The following PCDHGA11 variants were observed in gnomAD, a reference collection of about 807,000 sequenced individuals.
PCDHGA11 encodes the protein protocadherin gamma-A11.
In PCDHGA11, 39 loss-of-function variants were observed where a neutral mutation model predicts 60.4. That is an observed-to-expected ratio of 0.65 (90% CI 0.50 to 0.84). PCDHGA11 has a LOEUF of 0.84. Ranked by LOEUF, PCDHGA11 falls within the 40% of genes least tolerant of loss-of-function variation. The probability of loss-of-function intolerance (pLI) is 0.00; values close to 1 mark genes in which losing one functional copy is unlikely to be tolerated. For synonymous variants in PCDHGA11, 533 were observed against 510.3 expected (o/e 1.04, Z -0.60); for missense variants, 1,165 against 1,197.7 (o/e 0.97, Z 0.40).
Position 141,511,035 on chromosome 5 carries a change from C to A in PCDHGA11, c.2670C>A (p.His890Gln). Residue 890 changes from histidine to glutamine, a missense_variant, in exon 4 of 4, where the codon CAC becomes CAA. Physicochemically the swap from His to Gln is conservative, Grantham distance 24 (BLOSUM62 0). Transcript: ENST00000398587. The stretch of plus-strand genomic sequence containing the variant: ...ACGGACCCCAGTTCACCCTGCAGCA[C>A]GTGCCCGACTACCGCCAGAATGTCT... ...ARYGPQFTLQ[H>Q]VPDYRQNVYI... 2 of 1,614,208 alleles carry A rather than the reference C, an allele frequency of 1.2e-6. No individual in the cohort carries two copies. The highest frequency in any genetic ancestry group is 1.1e-5 in the South Asian group (1 of 91,088).
chr5:141,431,325 G>C lies in PCDHGA11; in HGVS notation c.2433+7665G>C, dbSNP rs772252181. On this transcript the variant is annotated intron_variant, in intron 1 of 3. Coordinates refer to ENST00000398587, the MANE Select transcript of PCDHGA11 (RefSeq NM_018914.3). The surrounding 1 kb of genome is among the most constrained non-coding windows in gnomAD (Gnocchi z 4.8). Reference sequence around the variant, plus strand: ...ATCGTGCAAAATGGAGCCGACGGTAGTAAGTACCCCGAATTGGTGCTGAAA... The same window carrying C: ...ATCGTGCAAAATGGAGCCGACGGTACTAAGTACCCCGAATTGGTGCTGAAA... 4.3e-6 allele frequency: 7 copies of C among 1,614,144 alleles called. No individual in the cohort carries two copies. In the Admixed American group the frequency reaches 8.3e-5, roughly 19 times the overall value.
intron 1 of PCDHGA11, chr5:141,427,310 C>A (rs989300491): frequency 2.2e-5 from 10 of 456,738 alleles, no homozygotes; most frequent in African/African-American, 1.8e-4. Flanking sequence ...ATGACAATGC[C>A]CCAGACGTGG....
chr5:141,442,343 G>A (rs1300318674), intron 1 of PCDHGA11: 1 of 152,336 alleles, frequency 6.6e-6, no homozygotes, highest in African/African-American at 2.4e-5. Context: ...CAGGTTTCTG[G>A]GTAACTGTAG....
chr5:141,451,326 G>T (rs189445228), intron 1 of PCDHGA11, among the ~76,000 whole-genome samples: 3 of 152,278 alleles, frequency 2.0e-5, no homozygotes, highest in Admixed American at 2.0e-4. Context: ...GTCACCTAAG[G>T]CTATTGTCTT....
intron 2 of PCDHGA11, among the ~76,000 whole-genome samples, chr5:141,497,264 A>G (rs2154592078): frequency 6.6e-6 from 1 of 152,258 alleles, no homozygotes; most frequent in East Asian, 1.9e-4. Flanking sequence ...GAGAAGTTCT[A>G]GGCCATTTAT....
Position 141,489,624 on chromosome 5 carries a change from C to T in PCDHGA11, c.2434-5183C>T. 1 of 1,614,088 alleles carries T rather than the reference C, an allele frequency of 6.2e-7. No homozygotes were observed. On this transcript the variant is annotated intron_variant, in intron 1 of 3. Transcript: ENST00000398587. The surrounding 1 kb of genome is among the most constrained non-coding windows in gnomAD (Gnocchi z 4.5). Reference sequence around the variant, plus strand: ...AGGTAGAGATCCTGGATCTCAATGACAACTCTCCTAGCTTTGCCACCCCTG... The same window carrying T: ...AGGTAGAGATCCTGGATCTCAATGATAACTCTCCTAGCTTTGCCACCCCTG...
Position 141,491,885 on chromosome 5 carries a change from G to T in PCDHGA11, c.2434-2922G>T. On this transcript the variant is annotated intron_variant, in intron 1 of 3. Transcript: ENST00000398587. The surrounding 1 kb of genome is among the most constrained non-coding windows in gnomAD (Gnocchi z 6.9). ...ACCAGAGTGGCCGATTAAGGGATGG[G>T]GCTCCGAGCACCGGGGGTGGTGGCG... The T allele has an allele frequency of 6.9e-7, 1 of 1,445,748 alleles. No homozygotes were observed. Among genetic ancestry groups the T allele is most frequent in the Non-Finnish European group, 9.1e-7 (1 of 1,093,758 alleles). The allele number at this position is 1,445,748 out of a possible 1,614,324, so 89.6% of individuals were successfully genotyped here. A position where few individuals can be genotyped will look rare whatever the true frequency, so the allele number is the denominator to read the frequency against.
intron 2 of PCDHGA11, among the ~76,000 whole-genome samples, chr5:141,496,392 C>T (rs6879760): frequency 0.064 from 9,762 of 152,240 alleles, 510 homozygotes; most frequent in African/African-American, 0.15. Context: ...CCTTACCCTA[C>T]CTCCTCAATG....
At chr5:141,443,953 T>C (rs1373953428) in intron 1 of PCDHGA11, among the ~76,000 whole-genome samples, 1 of 152,142 alleles carries the variant, frequency 6.6e-6, no homozygotes, top group Non-Finnish European at 1.5e-5. Context: ...CTTATTGGTA[T>C]GTATTCTGTG....
At chr5:141,464,558 A>G (rs1276921889) in intron 1 of PCDHGA11, among the ~76,000 whole-genome samples, 2 of 152,176 alleles carry the variant, frequency 1.3e-5, no homozygotes, top group Non-Finnish European at 2.9e-5. Context: ...CCCATCTTGC[A>G]TTCCTACAAA....
intron 1 of PCDHGA11, among the ~76,000 whole-genome samples, chr5:141,459,176 T>C (rs2098962762): frequency 6.6e-6 from 1 of 152,210 alleles, no homozygotes. Context: ...CTTCAAAAGT[T>C]CCCTCATGCC....
chr5:141,471,562 G>T (rs2099259935), intron 1 of PCDHGA11: 1 of 152,136 alleles, frequency 6.6e-6, no homozygotes, highest in Non-Finnish European at 1.5e-5. Flanking sequence ...TTGACTCAGG[G>T]GTAGCAGTAG....
In PCDHGA11 at chr5:141,490,410, T is replaced by C. The variant is rs2099699827; in HGVS notation, c.2434-4397T>C. ...ATGGTGAAGTGAGCCTTGATATCTC[T>C]CCGGACCTGCCATTTCAGATTAAGC... On this transcript the variant is annotated intron_variant, in intron 1 of 3. Coordinates refer to ENST00000398587, the MANE Select transcript of PCDHGA11 (RefSeq NM_018914.3). The surrounding 1 kb of genome is among the most constrained non-coding windows in gnomAD (Gnocchi z 5.4). 1 of 1,614,172 alleles carries C rather than the reference T, an allele frequency of 6.2e-7. No individual in the cohort carries two copies. Among genetic ancestry groups the C allele is most frequent in the Non-Finnish European group, 8.5e-7 (1 of 1,180,042 alleles).
chr5:141,448,669 G>A (rs553283446), intron 1 of PCDHGA11, among the ~76,000 whole-genome samples: 13 of 152,136 alleles, frequency 8.5e-5, no homozygotes, highest in African/African-American at 7.2e-5. Flanking sequence ...GGCCGGGCGC[G>A]GTGGCTCACG....
At chr5:141,478,050 C>G (rs2099429383) in intron 1 of PCDHGA11, 2 of 1,614,184 alleles carry the variant, frequency 1.2e-6, no homozygotes, top group South Asian at 2.2e-5. Context: ...CAGACTCTCA[C>G]GGTCTTGATC....
At chr5:141,478,497 C>T in intron 1 of PCDHGA11, 1 of 1,612,820 alleles carries the variant, frequency 6.2e-7, no homozygotes, top group Non-Finnish European at 8.5e-7. Context: ...AGCTGTGATC[C>T]GGTGTTCTAT....
In PCDHGA11 at chr5:141,422,833, C is replaced by T; in HGVS notation, c.1606C>T (p.Arg536Cys). 2 of 1,614,224 alleles carry T rather than the reference C, an allele frequency of 1.2e-6. No individual in the cohort carries two copies. The highest frequency in any genetic ancestry group is 2.2e-5 in the East Asian group (1 of 44,874). ...FRDLELRVIA[R>C]DSGDPPLSSN... ...AGACTTAGAACTGAGAGTGATAGCA[C>T]GTGACAGCGGGGACCCGCCCCTCAG... Residue 536 changes from arginine (R) to cysteine (C), a missense_variant, in exon 1 of 4, where the codon CGT becomes TGT. Transcript: ENST00000398587.
intron 1 of PCDHGA11, among the ~76,000 whole-genome samples, chr5:141,429,416 T>A (rs527999196): frequency 6.6e-6 from 1 of 152,230 alleles, no homozygotes; most frequent in Admixed American, 6.5e-5. Flanking sequence ...GGTCTCATTA[T>A]GTTGCCCAGG....
chr5:141,437,094 G>A (rs1183502010), intron 1 of PCDHGA11, among the ~76,000 whole-genome samples: 3 of 152,126 alleles, frequency 2.0e-5, no homozygotes, highest in African/African-American at 4.8e-5. Context: ...TGAAACTAAC[G>A]GCTTAGCTTT....
Sources: allele counts gnomAD v4.1 joint callset (sites outside exome capture counted in the v4.1 genomes callset), GRCh38; gene constraint gnomAD v4.1.1; non-coding constraint Gnocchi (gnomAD v3.1); transcripts MANE v1.5; gene names NCBI Gene and HGNC (gene_info 2026-07-23, HGNC 2026-07-21).